The following NAP1L4 variants were observed in gnomAD, a reference collection of about 807,000 sequenced individuals.
NAP1L4 encodes the protein nucleosome assembly protein 1 like 4, also known as nucleosome assembly protein 1-like 4.
Under a neutral mutation model 58.2 loss-of-function variants are expected in NAP1L4, and 15 were observed. The observed-to-expected ratio is 0.26, with a 90% confidence interval of 0.17 to 0.40. The LOEUF (loss-of-function observed/expected upper bound fraction) is 0.40, where lower values mean the gene tolerates loss of function less well. Ranked by LOEUF, NAP1L4 falls within the 10% of genes least tolerant of loss-of-function variation. The pLI, the probability that NAP1L4 is intolerant of heterozygous loss-of-function variation, is 1.00. For missense variants in NAP1L4, 384 were observed against 451.1 expected (o/e 0.85, Z 1.35); for synonymous variants, 171 against 155.6 (o/e 1.10, Z -0.74).
In NAP1L4 at chr11:2,948,224, C is replaced by T. The variant is rs1275487463; in HGVS notation, c.*32+1003G>A. On this transcript the variant is annotated intron_variant, in intron 15 of 15. Transcript: ENST00000380542. The surrounding 1 kb of genome is among the most constrained non-coding windows in gnomAD (Gnocchi z 5.1). ...AAATCGTTCCAAGAGCTGCATCCGC[C>T]CTATGTACCATCAGTTTCCCATGAA... Among the ~76,000 whole-genome samples the T allele has an allele frequency of 6.6e-6, 1 of 152,178 alleles. No homozygotes were observed. Among genetic ancestry groups the T allele is most frequent in the African/African-American group, 2.4e-5 (1 of 41,442 alleles).
At chr11:2,987,977 G>A (rs998626729) in intron 1 of NAP1L4, 3 of 152,012 alleles carry the variant, frequency 2.0e-5, no homozygotes, top group Admixed American at 1.3e-4. Flanking sequence ...CATGGTGCCC[G>A]GGACTGCATG....
At chr11:2,974,589 A>C (rs988478347) in intron 4 of NAP1L4, among the ~76,000 whole-genome samples, 1 of 152,218 alleles carries the variant, frequency 6.6e-6, no homozygotes, top group Admixed American at 6.5e-5. Context: ...AAATGGGCAA[A>C]GCAAACTCTG....
chr11:2,971,676 T>C lies in NAP1L4; in HGVS notation c.316-142A>G. The C allele has an allele frequency of 4.3e-6, 3 of 705,028 alleles. No individual in the cohort carries two copies. The highest frequency in any genetic ancestry group is 6.8e-6 in the Non-Finnish European group (3 of 440,008). 43.7% of individuals were successfully genotyped at this position (705,028 alleles called of 1,614,324 possible). On this transcript the variant is annotated intron_variant, in intron 5 of 15. Coordinates refer to ENST00000380542, the MANE Select transcript of NAP1L4 (RefSeq NM_005969.4). The surrounding 1 kb of genome is among the most constrained non-coding windows in gnomAD (Gnocchi z 4.2). ...TATTTTAAGATTCTAAATTTTAGGG[T>C]TCAAAGAAAAATATTAAATGATTCC...
intron 14 of NAP1L4, among the ~76,000 whole-genome samples, chr11:2,950,403 G>A (rs777736269): frequency 2.0e-5 from 3 of 152,182 alleles, no homozygotes; most frequent in Non-Finnish European, 4.4e-5. Flanking sequence ...GACAGAGCCA[G>A]AATATCACAC....
intron 15 of NAP1L4, among the ~76,000 whole-genome samples, chr11:2,945,908 G>T (rs1431120228): frequency 6.6e-6 from 1 of 152,138 alleles, no homozygotes; most frequent in African/African-American, 2.4e-5. Context: ...AGGGTTTTGG[G>T]GCTCCTTGGG....
chr11:2,969,727 T>A (rs1478791525), intron 7 of NAP1L4, 76 bp downstream of exon 7: 1 of 1,506,976 alleles, frequency 6.6e-7, no homozygotes, highest in Non-Finnish European at 8.9e-7. Context: ...CCCAGTGTAG[T>A]GCTTAAAAAA....
chr11:2,978,417 T>C (rs560641918), intron 2 of NAP1L4, 75 bp from the exon 3 acceptor site: 2 of 1,350,552 alleles, frequency 1.5e-6, no homozygotes, highest in South Asian at 1.2e-5. Context: ...GACATGTTTC[T>C]TATTCAATAT....
chr11:2,976,998 C>T (rs1848001813), intron 3 of NAP1L4, among the ~76,000 whole-genome samples: 1 of 152,120 alleles, frequency 6.6e-6, no homozygotes. Flanking sequence ...AGTATTCTCC[C>T]ATGATGTGGG....
intron 12 of NAP1L4, among the ~76,000 whole-genome samples, chr11:2,953,610 C>A (rs888320284): frequency 3.3e-5 from 5 of 152,216 alleles, no homozygotes; most frequent in African/African-American, 1.2e-4. Flanking sequence ...TAGGGATGAG[C>A]CAGCAAGTTG....
chr11:2,990,904 C>T (rs1300335227), intron 1 of NAP1L4: 1 of 335,636 alleles, frequency 3.0e-6, no homozygotes, highest in African/African-American at 2.2e-5. Flanking sequence ...CTTAGAAAGA[C>T]TTACCTTTAA....
chr11:2,967,374 A>G (rs1450455878), intron 7 of NAP1L4, among the ~76,000 whole-genome samples: 1 of 152,222 alleles, frequency 6.6e-6, no homozygotes. Context: ...GCACTTTGGG[A>G]GGCCAAGGCA....
chr11:2,959,958 G>T lies in NAP1L4; in HGVS notation c.607-49C>A. 1 of 1,590,420 alleles carries T rather than the reference G, an allele frequency of 6.3e-7. No individual in the cohort carries two copies. Among genetic ancestry groups the T allele is most frequent in the Non-Finnish European group, 8.6e-7 (1 of 1,163,552 alleles). On this transcript the variant is annotated intron_variant, in intron 8 of 15. Transcript: ENST00000380542. The surrounding 1 kb of genome is among the most constrained non-coding windows in gnomAD (Gnocchi z 4.9). The stretch of plus-strand genomic sequence containing the variant: ...GCACCAGTTAAAATAGAAAAATAAC[G>T]AGGACAGATTGCTTGGAGTACACAA...
At chr11:2,983,255 T>C (rs1219487741) in intron 1 of NAP1L4, among the ~76,000 whole-genome samples, 3 of 152,200 alleles carry the variant, frequency 2.0e-5, no homozygotes, top group African/African-American at 2.4e-5. Context: ...TGTTAGGACA[T>C]GAGCCAAAGA....
At chr11:2,956,682 C>CT (rs1263101311) in intron 10 of NAP1L4, among the ~76,000 whole-genome samples, 2 of 152,224 alleles carry the variant, frequency 1.3e-5, no homozygotes, top group Admixed American at 1.3e-4. Flanking sequence ...AGGAGCATGG[C>CT]TGGGTGTCTA....
chr11:2,982,020 G>A (rs867435259), intron 1 of NAP1L4, among the ~76,000 whole-genome samples: 21 of 152,148 alleles, frequency 1.4e-4, no homozygotes, highest in African/African-American at 4.1e-4. Flanking sequence ...GAGACAGTCA[G>A]ACTTCATAAC....
intron 7 of NAP1L4, among the ~76,000 whole-genome samples, chr11:2,965,263 T>G (rs1847197826): frequency 6.6e-6 from 1 of 152,164 alleles, no homozygotes; most frequent in Non-Finnish European, 1.5e-5. Context: ...AGAAACACAT[T>G]GTTAGGCAAT....
At position 2,949,625 on chromosome 11, in the gene NAP1L4, A is replaced by G. The variant is rs2073843; in HGVS notation, c.1123-361T>C. Among the ~76,000 whole-genome samples, 53,223 of 152,068 alleles carry G rather than the reference A, an allele frequency of 0.35. 9,669 individuals are homozygous for G. The highest frequency in any genetic ancestry group is 0.43 in the South Asian group (2,049 of 4,810). On this transcript the variant is annotated intron_variant, in intron 14 of 15. Transcript: ENST00000380542. The surrounding 1 kb of genome is among the most constrained non-coding windows in gnomAD (Gnocchi z 4.0). ...GAACTTCATTCACACCATTAGCCGG[A>G]ACATGTTTTTAGTCCCTTCTCCCCC...
chr11:2,964,662 G>T lies in NAP1L4; in HGVS notation c.606+18C>A. 6.2e-7 allele frequency: 1 copy of T among 1,606,706 alleles called. No homozygotes were observed. Among genetic ancestry groups the T allele is most frequent in the Non-Finnish European group, 8.5e-7 (1 of 1,174,088 alleles). ...TGACCCTGTCTGATGCCAACCAGAA[G>T]GTCAAGTCAGTACTCACCATAGGCT... On this transcript the variant is annotated intron_variant, in intron 8 of 15. Coordinates refer to ENST00000380542, the MANE Select transcript of NAP1L4 (RefSeq NM_005969.4).
chr11:2,980,635 G>T (rs542357349), intron 1 of NAP1L4, among the ~76,000 whole-genome samples: 3 of 152,080 alleles, frequency 2.0e-5, no homozygotes, highest in African/African-American at 7.2e-5. Context: ...CTCGCTAAAC[G>T]GTTGTTCCAG....
Sources: gnomAD v4.1 joint callset for allele counts (sites outside exome capture counted in the v4.1 genomes callset) on GRCh38, gnomAD v4.1.1 for gene constraint, Gnocchi (gnomAD v3.1) non-coding constraint, MANE v1.5 for transcripts, NCBI Gene and HGNC (gene_info 2026-07-23, HGNC 2026-07-21) for gene names.